The following GPLD1 variants were observed in gnomAD, a reference collection of about 807,000 sequenced individuals.
GPLD1 encodes the protein phosphatidylinositol-glycan-specific phospholipase D.
GPLD1 carries 84 observed loss-of-function variants against 112.6 expected under a neutral mutation model. That is an observed-to-expected ratio of 0.75 (90% CI 0.63 to 0.89). GPLD1 has a LOEUF of 0.89. Ranked by LOEUF, GPLD1 falls within the 40% of genes least tolerant of loss-of-function variation. The pLI, the probability that GPLD1 is intolerant of heterozygous loss-of-function variation, is 0.00. For synonymous variants in GPLD1, 386 were observed against 403.8 expected (o/e 0.96, Z 0.53); for missense variants, 1,044 against 1,051.5 (o/e 0.99, Z 0.10).
At position 24,472,562 on chromosome 6, in the gene GPLD1, T is replaced by G. The variant is rs1454155599; in HGVS notation, c.545+20A>C. On this transcript the variant is annotated intron_variant, in intron 7 of 24. Transcript: ENST00000230036. ...AAATGCCACTTAGATACCACATATT[T>G]AGATGTACATTGCTCTTACCAGCGT... is the stretch of plus-strand genomic sequence containing the variant. 1.5e-5 allele frequency: 22 copies of G among 1,458,998 alleles called. No individual in the cohort carries two copies. The highest frequency in any genetic ancestry group is 2.0e-5 in the Non-Finnish European group (21 of 1,041,198). 90.4% of individuals were successfully genotyped at this position (1,458,998 alleles called of 1,614,324 possible). A position where few individuals can be genotyped will look rare whatever the true frequency, so the allele number is the denominator to read the frequency against.
At chr6:24,449,724 G>T in intron 15 of GPLD1, 65 bp downstream of exon 15, 1 of 1,067,324 alleles carries the variant, frequency 9.4e-7, no homozygotes, top group Non-Finnish European at 1.4e-6. Context: ...CCCAGCGTTG[G>T]CCTCCCTCAG....
intron 1 of GPLD1, among the ~76,000 whole-genome samples, chr6:24,487,885 G>A (rs1244471109): frequency 6.6e-6 from 1 of 152,136 alleles, no homozygotes; most frequent in Non-Finnish European, 1.5e-5. Context: ...CTGTAAAACT[G>A]TCTAGTATCA....
At chr6:24,467,002 A>T in intron 8 of GPLD1, 63 bp from the exon 9 acceptor site, 1 of 1,425,448 alleles carries the variant, frequency 7.0e-7, no homozygotes, top group Non-Finnish European at 9.9e-7. Context: ...TGAAGCAAAT[A>T]ATGAAGAAAA....
chr6:24,469,752 C>T (rs1349447365), intron 7 of GPLD1, among the ~76,000 whole-genome samples: 1 of 141,846 alleles, frequency 7.0e-6, no homozygotes, highest in East Asian at 2.1e-4. Flanking sequence ...ACAATGTGCA[C>T]ATGTACCCTA....
At chr6:24,449,636 C>G (rs1403610414) in intron 15 of GPLD1, among the ~76,000 whole-genome samples, 153 bp downstream of exon 15, 1 of 152,142 alleles carries the variant, frequency 6.6e-6, no homozygotes, top group African/African-American at 2.4e-5. Flanking sequence ...CGGCAAGAAC[C>G]CCATAGGGGC....
intron 17 of GPLD1, among the ~76,000 whole-genome samples, chr6:24,447,311 G>A (rs1376001464): frequency 1.3e-5 from 2 of 151,740 alleles, no homozygotes; most frequent in Non-Finnish European, 2.9e-5. Context: ...TTCAAGACCA[G>A]CCTGACCAAT....
intron 20 of GPLD1, 41 bp downstream of exon 20, chr6:24,445,505 C>A: frequency 7.5e-7 from 1 of 1,333,054 alleles, no homozygotes; most frequent in Non-Finnish European, 1.1e-6. Context: ...CAAGCAGCCA[C>A]ATGACTGAAA....
At chr6:24,475,336 AAC>A in intron 4 of GPLD1, 105 bp from the exon 5 acceptor site, 1 of 681,742 alleles carries the variant, frequency 1.5e-6, no homozygotes, top group Non-Finnish European at 2.5e-6. Flanking sequence ...ACTGAGACCT[AAC>A]AAAAAATTTC....
intron 5 of GPLD1, among the ~76,000 whole-genome samples, chr6:24,474,050 T>C (rs9295625): frequency 0.23 from 34,258 of 151,590 alleles, 5,622 homozygotes; most frequent in African/African-American, 0.46. Flanking sequence ...CACTTGCACC[T>C]GGGAGGCAGA....
At chr6:24,435,967 C>T (rs1264156223) in intron 22 of GPLD1, 1 of 149,410 alleles carries the variant, frequency 6.7e-6, no homozygotes, top group African/African-American at 2.5e-5. Context: ...AATGAAACTC[C>T]AGTGGCTGGC....
intron 12 of GPLD1, 41 bp from the exon 13 acceptor site, chr6:24,456,678 C>A: frequency 7.1e-7 from 1 of 1,408,990 alleles, no homozygotes. Flanking sequence ...AGACACGTAG[C>A]ATAATCAACA....
intron 2 of GPLD1, among the ~76,000 whole-genome samples, chr6:24,480,656 G>A (rs1764171102): frequency 9.1e-6 from 1 of 110,074 alleles, no homozygotes; most frequent in Admixed American, 8.0e-5. Flanking sequence ...TTTTGGGAGG[G>A]CTAAAAAAAG....
intron 20 of GPLD1, among the ~76,000 whole-genome samples, chr6:24,442,020 C>T (rs981654607): frequency 6.8e-6 from 1 of 148,016 alleles, no homozygotes; most frequent in East Asian, 1.9e-4. Flanking sequence ...ATAATATATA[C>T]ATATTATATA....
upstream of GPLD1, among the ~76,000 whole-genome samples, chr6:24,489,883 A>G (rs1470092369): frequency 6.6e-6 from 1 of 152,196 alleles, no homozygotes; most frequent in Non-Finnish European, 1.5e-5. Context: ...TTTGCTTTCT[A>G]TAAAAAGGCT....
chr6:24,443,437 C>CTT (rs1307515052), intron 20 of GPLD1, among the ~76,000 whole-genome samples: 1 of 152,146 alleles, frequency 6.6e-6, no homozygotes, highest in African/African-American at 2.4e-5. Context: ...CTGCCCTCAG[C>CTT]TTTCCTTCTG....
chr6:24,465,608 G>A (rs1167258251), intron 10 of GPLD1, among the ~76,000 whole-genome samples: 3 of 152,054 alleles, frequency 2.0e-5, no homozygotes, highest in African/African-American at 7.2e-5. Context: ...GTTATCAGAA[G>A]GGCCTTGGCT....
At chr6:24,443,879 G>A (rs931144260) in intron 20 of GPLD1, among the ~76,000 whole-genome samples, 1 of 151,964 alleles carries the variant, frequency 6.6e-6, no homozygotes, top group Non-Finnish European at 1.5e-5. Context: ...TCACCATGTT[G>A]GCCAGGCTGG....
At position 24,453,705 on chromosome 6, in the gene GPLD1, T is replaced by TGA. The variant is rs1763170297; in HGVS notation, c.1335+309_1335+310insTC. Among the ~76,000 whole-genome samples the TGA allele has an allele frequency of 4.9e-5, 4 of 82,332 alleles. No individual in the cohort carries two copies. In the South Asian group the frequency reaches 1.6e-3, roughly 33 times the overall value. The allele number at this position is 82,332 out of a possible 152,430, so 54.0% of individuals were successfully genotyped here. On this transcript the variant is annotated intron_variant, in intron 14 of 24. Transcript: ENST00000230036. ...TTTATAAATACATACATTTCGTGTG[T>TGA]GTGTGTGTGTGTGTGTGTATAAAGA...
At chr6:24,433,913 A>T (rs983020693) in intron 22 of GPLD1, among the ~76,000 whole-genome samples, 1 of 152,164 alleles carries the variant, frequency 6.6e-6, no homozygotes, top group African/African-American at 2.4e-5. Flanking sequence ...TTATGTGACT[A>T]TTTACCATAT....
Sources: allele counts gnomAD v4.1 joint callset (sites outside exome capture counted in the v4.1 genomes callset), GRCh38; gene constraint gnomAD v4.1.1; transcripts MANE v1.5; gene names NCBI Gene and HGNC (gene_info 2026-07-23, HGNC 2026-07-21).